LRBA: variants seen among roughly 807,000 people sequenced by gnomAD.
LRBA encodes the protein LPS responsive beige-like anchor protein.
A neutral mutation model predicts 330.0 loss-of-function variants in LRBA; 176 were observed. The observed-to-expected ratio is 0.53, with a 90% confidence interval of 0.47 to 0.60. The LOEUF is 0.60. Among genes scored for constraint, LRBA ranks in the 20% least tolerant of loss-of-function variants. LRBA has a pLI of 0.00. For synonymous variants in LRBA, 1,230 were observed against 1,193.0 expected, an observed-to-expected ratio of 1.03 and a Z score of -0.64; for missense variants, 3,259 against 3,444.8, an observed-to-expected ratio of 0.95 and a Z score of 1.35.
chr4:150,485,447 C>T (rs1296257592), intron 42 of LRBA, among the ~76,000 whole-genome samples: 1 of 151,902 alleles, frequency 6.6e-6, no homozygotes, highest in African/African-American at 2.4e-5. Context: ...AGAGCTACCT[C>T]CCAGTACCTC....
intron 36 of LRBA, among the ~76,000 whole-genome samples, chr4:150,732,427 C>A (rs1223117762): frequency 6.6e-6 from 1 of 152,036 alleles, no homozygotes; most frequent in Non-Finnish European, 1.5e-5. Flanking sequence ...AAAAGAACAG[C>A]ATTGCCCATT....
intron 38 of LRBA, among the ~76,000 whole-genome samples, chr4:150,594,258 C>T (rs1430244878): frequency 6.6e-6 from 1 of 151,614 alleles, no homozygotes; most frequent in Non-Finnish European, 1.5e-5. Context: ...TAATATACAC[C>T]ACATGCGCTG....
At chr4:150,661,312 T>C (rs1781070434) in intron 37 of LRBA, among the ~76,000 whole-genome samples, 1 of 150,966 alleles carries the variant, frequency 6.6e-6, no homozygotes, top group Admixed American at 6.6e-5. Context: ...CTCTACAAAA[T>C]TGGCCTGGTG....
chr4:150,591,682 G>A (rs1209114266), intron 38 of LRBA, among the ~76,000 whole-genome samples: 1 of 152,090 alleles, frequency 6.6e-6, no homozygotes, highest in African/African-American at 2.4e-5. Flanking sequence ...CTGAACTGGA[G>A]CAGCTTGTGG....
At chr4:150,475,739 A>G (rs1052148937) in intron 42 of LRBA, among the ~76,000 whole-genome samples, 2 of 151,882 alleles carry the variant, frequency 1.3e-5, no homozygotes, top group Non-Finnish European at 2.9e-5. Context: ...TATAAAAAAA[A>G]AAAAAAATCA....
chr4:150,969,671 T>G (rs1300932340), intron 2 of LRBA, among the ~76,000 whole-genome samples: 2 of 152,158 alleles, frequency 1.3e-5, no homozygotes, highest in Non-Finnish European at 2.9e-5. Flanking sequence ...GGTCTCACCA[T>G]GTTGCCCAGG....
At chr4:150,966,783 T>C (rs1031959316) in intron 2 of LRBA, among the ~76,000 whole-genome samples, 5 of 152,208 alleles carry the variant, frequency 3.3e-5, no homozygotes, top group Admixed American at 1.3e-4. Flanking sequence ...CTGCAGCCTG[T>C]ATTTCTCAAA....
chr4:150,719,851 G>A lies in LRBA; in HGVS notation c.5754+15407C>T, dbSNP rs537601439. On this transcript the variant is annotated intron_variant, in intron 36 of 56. Transcript: ENST00000651943. ...GATTCACTAAAACAGAAGTAAACTC[G>A]ACTCTACTCTCTTAAATGACTGAGG... Among the ~76,000 whole-genome samples the A allele has an allele frequency of 6.6e-5, 10 of 152,202 alleles. No homozygotes were observed. The East Asian group carries it at 1.9e-3, about 29-fold the overall frequency.
chr4:150,286,138 T>C, intron 53 of LRBA, 104 bp from the exon 54 acceptor site: 1 of 823,548 alleles, frequency 1.2e-6, no homozygotes. Context: ...TAATTTATAG[T>C]TTGGGAATTT....
At chr4:150,973,886 GCACAA>G (rs1399623202) in intron 2 of LRBA, among the ~76,000 whole-genome samples, 1 of 152,148 alleles carries the variant, frequency 6.6e-6, no homozygotes, top group Non-Finnish European at 1.5e-5. Context: ...GTTTAAAAGA[GCACAA>G]CACAAGAATG....
rs552202660 is a variant in LRBA, at chr4:150,775,143, C to G, written c.5581-13296G>C. ...GCGTTCAGGTTTTCTAATTGACCAG[C>G]TGTAGTTCCTACCATAAGGTCTGAT... On this transcript the variant is annotated intron_variant, in intron 34 of 56. Coordinates refer to ENST00000651943, the MANE Select transcript of LRBA (RefSeq NM_001364905.1). Among the ~76,000 whole-genome samples the G allele has an allele frequency of 4.0e-4, 61 of 152,264 alleles. No individual in the cohort carries two copies. The South Asian group carries it at 0.013, about 32-fold the overall frequency.
At chr4:150,890,658 T>C (rs922497517) in intron 17 of LRBA, among the ~76,000 whole-genome samples, 1 of 152,182 alleles carries the variant, frequency 6.6e-6, no homozygotes, top group African/African-American at 2.4e-5. Flanking sequence ...CAGGAATGGA[T>C]AAATTACAAA....
rs185450990 is a variant in LRBA, at chr4:150,738,781, T to G, written c.5646-3415A>C. Reference sequence around the variant, plus strand: ...ACAATCTCTGGGTAACCACTAAAGTTATTTAAAATAATATATAACCAACAA... The same window carrying G: ...ACAATCTCTGGGTAACCACTAAAGTGATTTAAAATAATATATAACCAACAA... On this transcript the variant is annotated intron_variant, in intron 35 of 56. Transcript: ENST00000651943. Among the ~76,000 whole-genome samples the G allele has an allele frequency of 3.3e-5, 5 of 151,890 alleles. No individual in the cohort carries two copies. The East Asian group carries it at 7.7e-4, about 23-fold the overall frequency.
chr4:150,584,681 C>T (rs1419734888), intron 40 of LRBA: 1 of 167,024 alleles, frequency 6.0e-6, no homozygotes, highest in Non-Finnish European at 1.5e-5. Context: ...AAAAACATTA[C>T]TTTACATTGT....
intron 48 of LRBA, among the ~76,000 whole-genome samples, chr4:150,336,214 A>G (rs1434913460): frequency 6.6e-6 from 1 of 152,188 alleles, no homozygotes; most frequent in Non-Finnish European, 1.5e-5. Flanking sequence ...CTCCCAAGGA[A>G]TATTCTGTAA....
At chr4:150,923,184 CAA>C (rs372277904) in intron 4 of LRBA, among the ~76,000 whole-genome samples, 5 of 137,316 alleles carry the variant, frequency 3.6e-5, no homozygotes, top group African/African-American at 5.6e-5. Flanking sequence ...ATCGTAAAGT[CAA>C]AAAAAAAAAA....
At chr4:150,982,300 T>C (rs969208458) in intron 2 of LRBA, among the ~76,000 whole-genome samples, 13 of 152,172 alleles carry the variant, frequency 8.5e-5, no homozygotes, top group African/African-American at 3.1e-4. Context: ...CTTACGTACA[T>C]TGTGAGGAAA....
intron 48 of LRBA, among the ~76,000 whole-genome samples, chr4:150,346,898 C>T (rs907366374): frequency 3.3e-5 from 5 of 150,102 alleles, no homozygotes; most frequent in African/African-American, 1.2e-4. Flanking sequence ...GGCATTTGAA[C>T]AGATGGTGTA....
At chr4:150,792,263 C>A (rs913771306) in intron 34 of LRBA, among the ~76,000 whole-genome samples, 1 of 149,700 alleles carries the variant, frequency 6.7e-6, no homozygotes, top group East Asian at 1.9e-4. Context: ...TAGCTAACCA[C>A]TCCACTTAAA....
Sources: allele counts gnomAD v4.1 joint callset (sites outside exome capture counted in the v4.1 genomes callset), GRCh38; gene constraint gnomAD v4.1.1; transcripts MANE v1.5; gene names NCBI Gene and HGNC (gene_info 2026-07-23, HGNC 2026-07-21).